The following GLE1 variants were observed in gnomAD, a reference collection of about 807,000 sequenced individuals.
GLE1 encodes mRNA export factor GLE1.
A neutral mutation model predicts 97.3 loss-of-function variants in GLE1; 78 were observed. The ratio of observed to expected loss-of-function variants is 0.80; its 90% CI spans 0.67 to 0.97. The LOEUF (loss-of-function observed/expected upper bound fraction) is 0.97, where lower values mean the gene tolerates loss of function less well. Among genes scored for constraint, GLE1 ranks in the 50% least tolerant of loss-of-function variants. The pLI is 0.00. For missense variants in GLE1, 753 were observed against 857.5 expected (o/e 0.88, Z 1.52); for synonymous variants, 302 against 313.4 (o/e 0.96, Z 0.39).
intron 12 of GLE1, among the ~76,000 whole-genome samples, chr9:128,537,660 G>T (rs1024121214): frequency 2.6e-5 from 4 of 151,962 alleles, no homozygotes; most frequent in African/African-American, 7.2e-5. Flanking sequence ...AAAAAAATTA[G>T]CTGAGCACGG....
chr9:128,509,995 C>A (rs1846757945), intron 2 of GLE1, among the ~76,000 whole-genome samples: 1 of 152,096 alleles, frequency 6.6e-6, no homozygotes, highest in Admixed American at 6.6e-5. Context: ...TTTAAAATTA[C>A]TTTTTATATA....
At chr9:128,536,162 A>C (rs1847702322) in intron 11 of GLE1, among the ~76,000 whole-genome samples, 193 bp from the exon 12 acceptor site, 1 of 152,036 alleles carries the variant, frequency 6.6e-6, no homozygotes, top group African/African-American at 2.4e-5. Flanking sequence ...CCTCCCAATT[A>C]GCTGGGACAA....
chr9:128,528,653 GC>G (rs1484163964), intron 9 of GLE1, among the ~76,000 whole-genome samples: 1 of 152,138 alleles, frequency 6.6e-6, no homozygotes, highest in Non-Finnish European at 1.5e-5. Flanking sequence ...TATTAGGATG[GC>G]TCTTAGCTTT....
In GLE1 at chr9:128,536,398, G is replaced by A; in HGVS notation, c.1690G>A (p.Asp564Asn). 6.2e-7 allele frequency: 1 copy of A among 1,614,032 alleles called. No homozygotes were observed. The highest frequency in any genetic ancestry group is 8.5e-7 in the Non-Finnish European group (1 of 1,179,948). Residue 564 changes from aspartate to asparagine, a missense_variant, in exon 12 of 16, where the codon GAC (aspartate) becomes AAC (asparagine). Transcript: ENST00000309971. ...AAAGGATTCCAAAGTGGAGCAGCAAGACAACTTTCTAAAACGCATGTCAGG... is the reference window on the plus strand; with the variant it reads ...AAAGGATTCCAAAGTGGAGCAGCAAAACAACTTTCTAAAACGCATGTCAGG... ...QVKDSKVEQQ[D>N]NFLKRMSGMI...
At chr9:128,537,904 T>G (rs1166661051) in intron 12 of GLE1, 82 bp from the exon 13 acceptor site, 1 of 803,838 alleles carries the variant, frequency 1.2e-6, no homozygotes. Context: ...CATTTCCACT[T>G]GGTAATGGCT....
chr9:128,511,030 C>A (rs1846802808), intron 2 of GLE1, among the ~76,000 whole-genome samples: 1 of 150,806 alleles, frequency 6.6e-6, no homozygotes, highest in Non-Finnish European at 1.5e-5. Context: ...CACAGTGAAA[C>A]CCTGTCTCTA....
chr9:128,520,357 T>C (rs1388923791), intron 3 of GLE1, among the ~76,000 whole-genome samples: 1 of 147,762 alleles, frequency 6.8e-6, no homozygotes, highest in Non-Finnish European at 1.5e-5. Flanking sequence ...TATATATGTA[T>C]GTGTGTATAT....
Position 128,539,845 on chromosome 9 carries a change from G to A in GLE1, c.1964+147G>A, listed in dbSNP as rs974882004. 18 of 1,532,350 alleles carry A rather than the reference G, an allele frequency of 1.2e-5. No homozygotes were observed. The East Asian group carries it at 1.5e-4, about 12-fold the overall frequency. The allele number at this position is 1,532,350 out of a possible 1,614,324, so 94.9% of individuals were successfully genotyped here. A position where few individuals can be genotyped will look rare whatever the true frequency, so the allele number is the denominator to read the frequency against. ...CATCTTTCCTACTCCAGTCCCTCTC[G>A]TTGATATTTGAATAAATGCTTTTGA... On this transcript the variant is annotated intron_variant, in intron 14 of 15. Coordinates refer to ENST00000309971, the MANE Select transcript of GLE1 (RefSeq NM_001003722.2).
intron 14 of GLE1, chr9:128,539,904 CCAAA>C: frequency 1.4e-6 from 2 of 1,438,638 alleles, no homozygotes; most frequent in South Asian, 2.8e-5. Context: ...ATATCATTGC[CCAAA>C]CAAAAACACA....
intron 8 of GLE1, 24 bp from the exon 9 acceptor site, chr9:128,527,432 T>C (rs2132473935): frequency 6.4e-7 from 1 of 1,568,562 alleles, no homozygotes; most frequent in South Asian, 1.1e-5. Context: ...AGAACACTGC[T>C]TTCTCACTGT....
At chr9:128,534,075 T>C (rs913842732) in intron 11 of GLE1, 124 bp downstream of exon 11, 4 of 783,068 alleles carry the variant, frequency 5.1e-6, no homozygotes, top group Non-Finnish European at 9.0e-6. Flanking sequence ...ATCAGAAATA[T>C]AATGTCTTTC....
chr9:128,539,385 G>A (rs536840868), intron 13 of GLE1, among the ~76,000 whole-genome samples: 1 of 152,228 alleles, frequency 6.6e-6, no homozygotes, highest in Non-Finnish European at 1.5e-5. Flanking sequence ...AGGAAAAGAA[G>A]AGTAGTTCAT....
intron 8 of GLE1, 41 bp downstream of exon 8, chr9:128,527,332 G>T (rs758856729): frequency 7.5e-7 from 1 of 1,326,032 alleles, no homozygotes; most frequent in South Asian, 1.2e-5. Flanking sequence ...TGGACTTGAT[G>T]GTTCTCAGAG....
At position 128,535,793 on chromosome 9, in the gene GLE1, C is replaced by T. The variant is rs550551845; in HGVS notation, c.1647-562C>T. Among the ~76,000 whole-genome samples, 5 of 151,172 alleles carry T rather than the reference C, an allele frequency of 3.3e-5. No homozygotes were observed. In the South Asian group the frequency reaches 8.4e-4, roughly 25 times the overall value. ...TCGTGCTATTGCTTTCTAGCCTGGG[C>T]GACAAGATGGAAATTCCATCTCAAA... On this transcript the variant is annotated intron_variant, in intron 11 of 15. Transcript: ENST00000309971.
chr9:128,508,593 C>G (rs1028993110), intron 1 of GLE1, among the ~76,000 whole-genome samples: 1 of 152,162 alleles, frequency 6.6e-6, no homozygotes, highest in Admixed American at 6.6e-5. Flanking sequence ...GTGTTCTGTT[C>G]AGTGCTTTAG....
intron 15 of GLE1, chr9:128,540,829 G>C (rs575468721): frequency 2.7e-5 from 13 of 479,678 alleles, no homozygotes; most frequent in Non-Finnish European, 4.9e-5. Flanking sequence ...CTCAAAGCTC[G>C]ATTGTGAAAA....
chr9:128,515,719 C>T (rs1846966482), intron 3 of GLE1, 80 bp downstream of exon 3: 2 of 763,546 alleles, frequency 2.6e-6, no homozygotes, highest in Admixed American at 3.9e-5. Context: ...TAGGAATGGG[C>T]ACTGTATGCT....
At chr9:128,511,386 A>G (rs1422483362) in intron 2 of GLE1, among the ~76,000 whole-genome samples, 1 of 150,542 alleles carries the variant, frequency 6.6e-6, no homozygotes, top group Non-Finnish European at 1.5e-5. Context: ...AAAAAAAGGA[A>G]CCTCCACCTA....
intron 9 of GLE1, among the ~76,000 whole-genome samples, chr9:128,530,207 G>A (rs1847449564): frequency 2.0e-5 from 3 of 152,086 alleles, no homozygotes; most frequent in South Asian, 4.1e-4. Flanking sequence ...CCTTTCTTCT[G>A]AGCTTCAGAT....
Sources: allele counts gnomAD v4.1 joint callset (sites outside exome capture counted in the v4.1 genomes callset), GRCh38; gene constraint gnomAD v4.1.1; transcripts MANE v1.5; gene names NCBI Gene and HGNC (gene_info 2026-07-23, HGNC 2026-07-21).